The following FBXL17 variants were observed in gnomAD, a reference collection of about 807,000 sequenced individuals.
The protein encoded by FBXL17 is F-box and leucine rich repeat protein 17.
A neutral mutation model predicts 66.2 loss-of-function variants in FBXL17; 22 were observed. The observed-to-expected ratio is 0.33, with a 90% CI of 0.24 to 0.47. The LOEUF (loss-of-function observed/expected upper bound fraction) is 0.47. Ranked by LOEUF, FBXL17 falls within the 20% of genes least tolerant of loss-of-function variation. FBXL17 has a pLI of 1.00. For synonymous variants in FBXL17, 474 were observed against 400.5 expected, an observed-to-expected ratio of 1.18 and a Z score of -2.19; for missense variants, 878 against 948.2, an observed-to-expected ratio of 0.93 and a Z score of 0.97.
At chr5:108,111,836 A>G (rs1182850542) in intron 6 of FBXL17, among the ~76,000 whole-genome samples, 1 of 152,186 alleles carries the variant, frequency 6.6e-6, no homozygotes, top group African/African-American at 2.4e-5. Context: ...ACTGCCCTTG[A>G]GCTTACAGAA....
At chr5:107,948,197 AG>A (rs1751376716) in intron 7 of FBXL17, among the ~76,000 whole-genome samples, 1 of 152,204 alleles carries the variant, frequency 6.6e-6, no homozygotes, top group African/African-American at 2.4e-5. Flanking sequence ...TTTTGAAAGT[AG>A]TCTCTTGTTT....
chr5:108,127,895 G>A (rs972410325), intron 6 of FBXL17, among the ~76,000 whole-genome samples: 2 of 152,112 alleles, frequency 1.3e-5, no homozygotes, highest in African/African-American at 4.8e-5. Context: ...TCAAATCAGA[G>A]TTGTACATTT....
chr5:108,230,421 C>A (rs1409622151), intron 4 of FBXL17, among the ~76,000 whole-genome samples: 1 of 152,130 alleles, frequency 6.6e-6, no homozygotes, highest in Middle Eastern at 3.2e-3. Context: ...GCATTCACAG[C>A]AACCTGGATG....
intron 4 of FBXL17, among the ~76,000 whole-genome samples, chr5:108,316,146 C>T (rs1388905337): frequency 3.3e-5 from 5 of 151,454 alleles, no homozygotes; most frequent in African/African-American, 7.2e-5. Context: ...TCTAATAAAA[C>T]TCTACCCTTA....
intron 6 of FBXL17, among the ~76,000 whole-genome samples, chr5:108,086,300 G>A (rs780577707): frequency 3.9e-5 from 6 of 152,140 alleles, no homozygotes; most frequent in Non-Finnish European, 5.9e-5. Context: ...CAAAGAGGCC[G>A]GGAAAAATCT....
intron 6 of FBXL17, among the ~76,000 whole-genome samples, chr5:108,021,487 TAC>T (rs1754600874): frequency 6.6e-6 from 1 of 151,450 alleles, no homozygotes; most frequent in African/African-American, 2.4e-5. Flanking sequence ...GCTATAATTT[TAC>T]AGATTAAAGA....
At chr5:107,892,525 T>C (rs1443203706) in intron 7 of FBXL17, among the ~76,000 whole-genome samples, 45 of 152,154 alleles carry the variant, frequency 3.0e-4, no homozygotes, top group Non-Finnish European at 8.8e-5. Flanking sequence ...TTTAAAAGGC[T>C]TCTACTGAAT....
At chr5:107,917,425 C>T (rs1750167701) in intron 7 of FBXL17, among the ~76,000 whole-genome samples, 1 of 152,012 alleles carries the variant, frequency 6.6e-6, no homozygotes, top group Non-Finnish European at 1.5e-5. Context: ...AAGTAGCATA[C>T]CAAGAAACAG....
intron 4 of FBXL17, among the ~76,000 whole-genome samples, chr5:108,335,697 CTAT>C (rs1412906605): frequency 6.6e-6 from 1 of 151,946 alleles, no homozygotes; most frequent in African/African-American, 2.4e-5. Flanking sequence ...GAAATTCCTC[CTAT>C]TATTATACTG....
At chr5:108,217,670 T>C (rs949002807) in intron 5 of FBXL17, among the ~76,000 whole-genome samples, 3 of 150,562 alleles carry the variant, frequency 2.0e-5, no homozygotes, top group Non-Finnish European at 4.4e-5. Context: ...ATGTACTATA[T>C]GTACTACAGT....
rs1004220811 is a variant in FBXL17, at chr5:108,255,394, T to A, written c.1507-31166A>T. On this transcript the variant is annotated intron_variant, in intron 4 of 8. Coordinates refer to ENST00000542267, the MANE Select transcript of FBXL17 (RefSeq NM_001163315.3). The stretch of plus-strand genomic sequence containing the variant: ...ATCTAAAAACTGACATGATTTTTTA[T>A]GTTTGTTCAATGATCCCTACATTTT... Among the ~76,000 whole-genome samples the A allele has an allele frequency of 2.0e-5, 3 of 152,198 alleles. No homozygotes were observed. In the East Asian group the frequency reaches 5.8e-4, roughly 29 times the overall value.
At chr5:108,303,654 C>T (rs965168242) in intron 4 of FBXL17, among the ~76,000 whole-genome samples, 4 of 151,816 alleles carry the variant, frequency 2.6e-5, no homozygotes, top group East Asian at 1.9e-4. Flanking sequence ...GCAAAATTTT[C>T]GGAGTTTGGT....
chr5:107,944,700 T>C (rs889254263), intron 7 of FBXL17, among the ~76,000 whole-genome samples: 1 of 152,202 alleles, frequency 6.6e-6, no homozygotes, highest in African/African-American at 2.4e-5. Flanking sequence ...TGTTCTGGAA[T>C]GTCTTTTTTG....
intron 7 of FBXL17, among the ~76,000 whole-genome samples, chr5:107,959,509 G>A (rs1379411651): frequency 1.3e-5 from 2 of 151,520 alleles, no homozygotes; most frequent in African/African-American, 4.9e-5. Flanking sequence ...TCAACCTCAC[G>A]CCCCCTTATG....
chr5:108,126,855 A>G (rs569533379), intron 6 of FBXL17, among the ~76,000 whole-genome samples: 1 of 152,034 alleles, frequency 6.6e-6, no homozygotes, highest in African/African-American at 2.4e-5. Context: ...AAAAGAAGAA[A>G]AAAATGCCAT....
At chr5:108,022,723 T>A (rs1406735639) in intron 6 of FBXL17, among the ~76,000 whole-genome samples, 1 of 152,136 alleles carries the variant, frequency 6.6e-6, no homozygotes, top group African/African-American at 2.4e-5. Context: ...ACATTAAATA[T>A]GCTATAAGCA....
At chr5:108,047,363 C>G (rs975360363) in intron 6 of FBXL17, among the ~76,000 whole-genome samples, 1 of 152,178 alleles carries the variant, frequency 6.6e-6, no homozygotes, top group Non-Finnish European at 1.5e-5. Flanking sequence ...GGGTCCCAAC[C>G]CCAGAGTGAC....
chr5:108,278,367 C>T lies in FBXL17; in HGVS notation c.1507-54139G>A, dbSNP rs73214562. ...AAGGCTGTGTGCAGTCCTAGGAACCCGCTGCACCAGTCCTAGGTGTTAGAG... is the reference window on the plus strand; with the variant it reads ...AAGGCTGTGTGCAGTCCTAGGAACCTGCTGCACCAGTCCTAGGTGTTAGAG... On this transcript the variant is annotated intron_variant, in intron 4 of 8. Coordinates refer to ENST00000542267, the MANE Select transcript of FBXL17 (RefSeq NM_001163315.3). Among the ~76,000 whole-genome samples, 324 of 152,310 alleles carry T rather than the reference C, an allele frequency of 2.1e-3. 1 individual carries two copies. Among genetic ancestry groups the T allele is most frequent in the African/African-American group, 7.5e-3 (313 of 41,570 alleles).
At chr5:108,171,717 C>T (rs1482682148) in intron 6 of FBXL17, among the ~76,000 whole-genome samples, 1 of 152,164 alleles carries the variant, frequency 6.6e-6, no homozygotes, top group Non-Finnish European at 1.5e-5. Flanking sequence ...AGTTTTACTA[C>T]AAAGGACTGC....
Sources: allele counts gnomAD v4.1 joint callset (sites outside exome capture counted in the v4.1 genomes callset), GRCh38; gene constraint gnomAD v4.1.1; transcripts MANE v1.5; gene names NCBI Gene and HGNC (gene_info 2026-07-23, HGNC 2026-07-21).